The following RAD21L1 variants were observed in gnomAD, a reference collection of about 807,000 sequenced individuals.
The protein encoded by RAD21L1 is RAD21 cohesin complex component like 1, also known as double-strand-break repair protein rad21-like protein 1.
RAD21L1 carries 47 observed loss-of-function variants against 69.0 expected under a neutral mutation model. The observed-to-expected ratio is 0.68, with a 90% confidence interval of 0.54 to 0.87. RAD21L1 has a LOEUF of 0.87. RAD21L1 is among the 40% of genes least tolerant of loss of function. RAD21L1 has a pLI of 0.00. For synonymous variants in RAD21L1, 177 were observed against 205.8 expected, an observed-to-expected ratio of 0.86 and a Z score of 1.20; for missense variants, 583 against 647.6, an observed-to-expected ratio of 0.90 and a Z score of 1.08.
intron 11 of RAD21L1, among the ~76,000 whole-genome samples, chr20:1,244,952 G>T (rs1010141338): frequency 2.0e-5 from 3 of 152,120 alleles, no homozygotes; most frequent in Non-Finnish European, 4.4e-5. Context: ...TAATATACTG[G>T]ATATTGAGAC....
At chr20:1,229,839 C>G in intron 2 of RAD21L1, 41 bp from the exon 3 acceptor site, 1 of 1,428,276 alleles carries the variant, frequency 7.0e-7, no homozygotes, top group Non-Finnish European at 9.5e-7. Context: ...GATTTATGAA[C>G]CTAATCTTTA....
intron 11 of RAD21L1, among the ~76,000 whole-genome samples, chr20:1,244,664 AT>A (rs1343954020): frequency 2.0e-5 from 3 of 152,198 alleles, no homozygotes; most frequent in Admixed American, 2.0e-4. Flanking sequence ...TTAAGATATA[AT>A]TTTTTATTTG....
chr20:1,229,970 A>T lies in RAD21L1; in HGVS notation c.235A>T (p.Ser79Cys). ...GGCAAAATATCTTTTGGCAGATTGC[A>T]GTGAAGCATTTCTTAAAATGAAGAT... is the stretch of plus-strand genomic sequence containing the variant. The part of the protein sequence containing the change: ...RKAKYLLADC[S>C]EAFLKMKMTF... Residue 79 changes from serine to cysteine, a missense_variant, in exon 3 of 14, where the codon AGT (serine) becomes TGT (cysteine). By Grantham distance (112) the Ser-to-Cys change is moderately radical. Transcript: ENST00000683101. 6.4e-7 allele frequency: 1 copy of T among 1,550,730 alleles called. No homozygotes were observed. The highest frequency in any genetic ancestry group is 1.2e-5 in the South Asian group (1 of 83,970).
At chr20:1,244,215 G>A (rs2122123610) in intron 11 of RAD21L1, 45 bp downstream of exon 11, 3 of 1,340,790 alleles carry the variant, frequency 2.2e-6, no homozygotes, top group Non-Finnish European at 3.1e-6. Context: ...ATTTTCTACA[G>A]ATACAGTAAA....
intron 3 of RAD21L1, chr20:1,230,814 A>G (rs2087374220): frequency 2.3e-6 from 1 of 438,104 alleles, no homozygotes; most frequent in Non-Finnish European, 3.0e-6. Context: ...TTTTTTACAT[A>G]TTCCACAAAT....
Position 1,254,730 on chromosome 20 carries a change from T to A in RAD21L1, c.*273T>A, listed in dbSNP as rs193024989. On this transcript the variant is annotated 3_prime_UTR_variant, in exon 14 of 14. Transcript: ENST00000683101. ...GCCCAGGCTGGACTTGAACTCTGGG[T>A]TCAAGTGATTCTCCTGCCTCAGCCT... 7.9e-5 allele frequency among the ~76,000 whole-genome samples: 12 copies of A among 152,160 alleles called. No homozygotes were observed. The East Asian group carries it at 1.9e-3, about 25-fold the overall frequency.
chr20:1,243,008 A>C, intron 9 of RAD21L1, 89 bp from the exon 10 acceptor site: 1 of 967,032 alleles, frequency 1.0e-6, no homozygotes, highest in Non-Finnish European at 1.5e-6. Flanking sequence ...TATGAATTAT[A>C]GTTTTTCCTT....
At chr20:1,228,728 C>T in intron 2 of RAD21L1, 131 bp downstream of exon 2, 4 of 666,674 alleles carry the variant, frequency 6.0e-6, no homozygotes, top group Non-Finnish European at 4.9e-6. Flanking sequence ...TCCTTTAATT[C>T]CTATAGCATT....
chr20:1,228,780 T>A (rs936290655), intron 2 of RAD21L1, among the ~76,000 whole-genome samples, 183 bp downstream of exon 2: 4 of 152,234 alleles, frequency 2.6e-5, no homozygotes, highest in Non-Finnish European at 4.4e-5. Flanking sequence ...GGTAATTAAC[T>A]TTTTCATATG....
At chr20:1,248,128 C>A (rs2087754567) in intron 12 of RAD21L1, among the ~76,000 whole-genome samples, 1 of 147,450 alleles carries the variant, frequency 6.8e-6, no homozygotes, top group Non-Finnish European at 1.5e-5. Flanking sequence ...GACAAGGCAT[C>A]TCGAAATCTG....
intron 13 of RAD21L1, among the ~76,000 whole-genome samples, 194 bp downstream of exon 13, chr20:1,248,897 C>T (rs1475257094): frequency 6.6e-6 from 1 of 152,060 alleles, no homozygotes; most frequent in Admixed American, 6.6e-5. Context: ...CCTGCATATT[C>T]TAATCAACTT....
At chr20:1,230,829 AT>A (rs1164942423) in intron 3 of RAD21L1, 53 of 385,222 alleles carry the variant, frequency 1.4e-4, no homozygotes, top group Non-Finnish European at 1.8e-4. Flanking sequence ...ACAAATATTC[AT>A]TGATTTCATA....
At chr20:1,248,247 A>G (rs2087756643) in intron 12 of RAD21L1, among the ~76,000 whole-genome samples, 1 of 152,018 alleles carries the variant, frequency 6.6e-6, no homozygotes, top group Non-Finnish European at 1.5e-5. Flanking sequence ...AAATAGCTGT[A>G]TGTTTACTCC....
intron 13 of RAD21L1, among the ~76,000 whole-genome samples, chr20:1,251,204 A>T (rs896591241): frequency 6.6e-6 from 1 of 152,182 alleles, no homozygotes; most frequent in African/African-American, 2.4e-5. Context: ...TCAGATGTTG[A>T]AGGCTTTGTA....
rs902247550 is a variant in RAD21L1, at chr20:1,246,547, G to A, written c.1401+242G>A. 2.0e-5 allele frequency among the ~76,000 whole-genome samples: 3 copies of A among 151,968 alleles called. No homozygotes were observed. Among genetic ancestry groups the A allele is most frequent in the Admixed American group, 1.3e-4 (2 of 15,238 alleles). On this transcript the variant is annotated intron_variant, in intron 12 of 13. Coordinates refer to ENST00000683101, the MANE Select transcript of RAD21L1 (RefSeq NM_001384355.1). This position sits in a 1 kb window ranked among gnomAD's most constrained non-coding sequence, Gnocchi z 4.6. ...CAAATACTTTTAAGGGAAAGTGTGA[G>A]GTTTTTGTGCTTATCAAAAGTAGTG...
chr20:1,227,366 C>G (rs1023015624), intron 1 of RAD21L1, among the ~76,000 whole-genome samples: 2 of 152,244 alleles, frequency 1.3e-5, no homozygotes, highest in Non-Finnish European at 2.9e-5. Flanking sequence ...CCAGCTGCCC[C>G]GTAGGGGAAC....
intron 5 of RAD21L1, among the ~76,000 whole-genome samples, chr20:1,236,859 G>A (rs987257712): frequency 2.6e-4 from 40 of 152,212 alleles, no homozygotes; most frequent in African/African-American, 9.6e-4. Flanking sequence ...TATGTATTTT[G>A]TATAATCTGA....
Position 1,246,098 on chromosome 20 carries a change from T to G in RAD21L1, c.1309-115T>G. Reference sequence around the variant, plus strand: ...TAATATTTTGAGAATGTGGGTAGTATTTTAAATTAGTTTGAGAAGTGAGCA... The same window carrying G: ...TAATATTTTGAGAATGTGGGTAGTAGTTTAAATTAGTTTGAGAAGTGAGCA... On this transcript the variant is annotated intron_variant, in intron 11 of 13. Coordinates refer to ENST00000683101, the MANE Select transcript of RAD21L1 (RefSeq NM_001384355.1). This position sits in a 1 kb window ranked among gnomAD's most constrained non-coding sequence, Gnocchi z 4.6. 1 of 486,654 alleles carries G rather than the reference T, an allele frequency of 2.1e-6. No homozygotes were observed. Among genetic ancestry groups the G allele is most frequent in the Non-Finnish European group, 3.6e-6 (1 of 278,452 alleles). 30.1% of individuals were successfully genotyped at this position (486,654 alleles called of 1,614,324 possible).
At chr20:1,251,381 T>C (rs2087829204) in intron 13 of RAD21L1, among the ~76,000 whole-genome samples, 1 of 151,722 alleles carries the variant, frequency 6.6e-6, no homozygotes, top group Non-Finnish European at 1.5e-5. Context: ...TTTTTTTTTT[T>C]TCCACTTATT....
Sources: gnomAD v4.1 joint callset for allele counts (sites outside exome capture counted in the v4.1 genomes callset) on GRCh38, gnomAD v4.1.1 for gene constraint, Gnocchi (gnomAD v3.1) non-coding constraint, MANE v1.5 for transcripts, NCBI Gene and HGNC (gene_info 2026-07-23, HGNC 2026-07-21) for gene names.